MEGF11: variants seen among roughly 807,000 people sequenced by gnomAD.
The protein encoded by MEGF11 is multiple EGF like domains 11, also known as multiple epidermal growth factor-like domains protein 11.
MEGF11 carries 126 observed loss-of-function variants against 146.6 expected under a neutral mutation model. The observed-to-expected ratio is 0.86, with a 90% CI of 0.74 to 1.00. The LOEUF is 1.00. Ranked by LOEUF, MEGF11 falls within the 50% of genes least tolerant of loss-of-function variation. The probability of loss-of-function intolerance (pLI) is 0.00; values close to 1 mark genes in which losing one functional copy is unlikely to be tolerated. For missense variants in MEGF11, 1,509 were observed against 1,521.2 expected, an observed-to-expected ratio of 0.99 and a Z score of 0.13; for synonymous variants, 532 against 583.4, an observed-to-expected ratio of 0.91 and a Z score of 1.27.
At chr15:65,963,803 C>T (rs2080956437) in intron 9 of MEGF11, among the ~76,000 whole-genome samples, 1 of 152,168 alleles carries the variant, frequency 6.6e-6, no homozygotes, top group Non-Finnish European at 1.5e-5. Flanking sequence ...GGAGGGAGGA[C>T]CTTTTAGTTT....
chr15:66,006,285 C>T (rs374648081), intron 5 of MEGF11, among the ~76,000 whole-genome samples: 1 of 152,152 alleles, frequency 6.6e-6, no homozygotes, highest in East Asian at 1.9e-4. Context: ...GGACTCAGTC[C>T]CTGCCAGCTC....
At chr15:66,094,550 A>C in intron 4 of MEGF11, 56 bp from the exon 5 acceptor site, 11 of 1,428,164 alleles carry the variant, frequency 7.7e-6, no homozygotes, top group East Asian at 2.5e-5. Flanking sequence ...AAAACCAACC[A>C]TCTGGTCAAG....
chr15:66,181,526 T>TC (rs1471060335), intron 1 of MEGF11, among the ~76,000 whole-genome samples: 69 of 148,532 alleles, frequency 4.6e-4, no homozygotes, highest in Admixed American at 1.0e-3. Context: ...TCTTCTACTA[T>TC]AACTTCTACT....
intron 5 of MEGF11, among the ~76,000 whole-genome samples, chr15:65,990,712 GAAGAAAGAAAGA>G (rs144962088): frequency 6.8e-6 from 1 of 147,942 alleles, no homozygotes; most frequent in African/African-American, 2.6e-5. Context: ...AGAAAGGAAG[GAAGAAAGAAAGA>G]AAGAAAGAAA....
At chr15:65,965,845 T>C (rs182128542) in intron 8 of MEGF11, among the ~76,000 whole-genome samples, 2 of 152,060 alleles carry the variant, frequency 1.3e-5, no homozygotes, top group Admixed American at 1.3e-4. Flanking sequence ...GTACACCCCA[T>C]AGAATTGACT....
At chr15:66,017,569 G>A (rs898570520) in intron 5 of MEGF11, among the ~76,000 whole-genome samples, 1 of 152,086 alleles carries the variant, frequency 6.6e-6, no homozygotes, top group Non-Finnish European at 1.5e-5. Context: ...GGTCTGACCC[G>A]TCCTTCCTCC....
At chr15:65,909,633 C>T in intron 22 of MEGF11, 107 bp downstream of exon 22, 3 of 1,140,302 alleles carry the variant, frequency 2.6e-6, no homozygotes, top group Non-Finnish European at 3.7e-6. Flanking sequence ...TGGGGGAAAC[C>T]ATGTTCAGAA....
chr15:66,226,535 ACTGCACCCAGCC>A (rs929682683), intron 1 of MEGF11, among the ~76,000 whole-genome samples: 1 of 152,186 alleles, frequency 6.6e-6, no homozygotes, highest in Admixed American at 6.5e-5. Context: ...GGCATGAGCC[ACTGCACCCAGCC>A]CCTTAATTTA....
intron 5 of MEGF11, among the ~76,000 whole-genome samples, chr15:66,059,041 G>T (rs1441916540): frequency 6.6e-6 from 1 of 152,032 alleles, no homozygotes; most frequent in Admixed American, 6.5e-5. Context: ...AGTAGGTCAG[G>T]GCCCCGTCAT....
At chr15:66,081,786 G>C (rs1040220506) in intron 5 of MEGF11, among the ~76,000 whole-genome samples, 1 of 152,230 alleles carries the variant, frequency 6.6e-6, no homozygotes, top group Non-Finnish European at 1.5e-5. Flanking sequence ...TAAGGCACAG[G>C]ACTTCTGCTA....
chr15:66,076,806 C>CA (rs2085608547), intron 5 of MEGF11, among the ~76,000 whole-genome samples: 1 of 152,210 alleles, frequency 6.6e-6, no homozygotes, highest in Non-Finnish European at 1.5e-5. Context: ...AATCTCCCCC[C>CA]ATCCAATCTG....
chr15:66,192,622 G>A (rs2090912457), intron 1 of MEGF11, among the ~76,000 whole-genome samples: 1 of 152,230 alleles, frequency 6.6e-6, no homozygotes, highest in South Asian at 2.1e-4. Flanking sequence ...TACATAATTT[G>A]CCCAAGGTCA....
rs2078895823 is a variant in MEGF11 at position 65,913,780 on chromosome 15, G to A, written c.2667C>T (p.Tyr889=). 2 of 1,613,664 alleles carry A rather than the reference G, an allele frequency of 1.2e-6. No individual in the cohort carries two copies. Among genetic ancestry groups the A allele is most frequent in the East Asian group, 2.2e-5 (1 of 44,874 alleles). The change falls in exon 20 of 26, where the codon TAC becomes TAT. Residue 889 remains tyrosine (Y), a synonymous_variant. Transcript: ENST00000395614. Reference sequence around the variant, plus strand: ...TGCTGGTCATCCTCATGGCAGGTGTGTAGGAGACACGGGGAGCCAGGTCTC... The same window carrying A: ...TGCTGGTCATCCTCATGGCAGGTGTATAGGAGACACGGGGAGCCAGGTCTC... ...KGRDLAPRVS[Y]TPAMRMTSTD...
At chr15:66,011,985 A>G (rs2082724282) in intron 5 of MEGF11, among the ~76,000 whole-genome samples, 1 of 152,066 alleles carries the variant, frequency 6.6e-6, no homozygotes, top group African/African-American at 2.4e-5. Flanking sequence ...TGTAATCCCA[A>G]TGCTGTGGGA....
intron 4 of MEGF11, among the ~76,000 whole-genome samples, chr15:66,105,380 C>G (rs1273272556): frequency 1.3e-5 from 2 of 152,202 alleles, no homozygotes; most frequent in Non-Finnish European, 2.9e-5. Flanking sequence ...CCCTCCCCAG[C>G]ATTAATCCTC....
chr15:66,136,601 A>C (rs937695704), intron 1 of MEGF11, among the ~76,000 whole-genome samples: 11 of 152,228 alleles, frequency 7.2e-5, no homozygotes, highest in Non-Finnish European at 1.3e-4. Context: ...GTTCTAAAAA[A>C]AGGTTGTCAA....
At chr15:66,169,947 C>T (rs961703949) in intron 1 of MEGF11, among the ~76,000 whole-genome samples, 2 of 152,010 alleles carry the variant, frequency 1.3e-5, no homozygotes, top group Non-Finnish European at 2.9e-5. Flanking sequence ...ACAGAAACTG[C>T]ATAAAGTGTC....
intron 5 of MEGF11, among the ~76,000 whole-genome samples, chr15:66,056,341 A>G (rs2084673745): frequency 6.6e-6 from 1 of 152,176 alleles, no homozygotes; most frequent in South Asian, 2.1e-4. Flanking sequence ...TTACCCTTGT[A>G]AAACAGGAGA....
chr15:65,908,707 G>A (rs916732107), intron 23 of MEGF11, among the ~76,000 whole-genome samples: 5 of 152,194 alleles, frequency 3.3e-5, no homozygotes, highest in Admixed American at 1.3e-4. Context: ...CAAAGATGTC[G>A]CCATCCCCAA....
Sources: gnomAD v4.1 joint callset for allele counts (sites outside exome capture counted in the v4.1 genomes callset) on GRCh38, gnomAD v4.1.1 for gene constraint, MANE v1.5 for transcripts, NCBI Gene and HGNC (gene_info 2026-07-23, HGNC 2026-07-21) for gene names.